DLGAP2: variants seen among roughly 807,000 people sequenced by gnomAD.
DLGAP2 encodes DLG associated protein 2, also known as disks large-associated protein 2.
In DLGAP2, 26 loss-of-function variants were observed where a neutral mutation model predicts 100.3. The ratio of observed to expected loss-of-function variants is 0.26; its 90% CI spans 0.19 to 0.36. DLGAP2 has a LOEUF of 0.36. DLGAP2 is among the 10% of genes least tolerant of loss of function. The pLI, the probability that DLGAP2 is intolerant of heterozygous loss-of-function variation, is 1.00. For synonymous variants in DLGAP2, 886 were observed against 630.1 expected (o/e 1.41, Z -6.08); for missense variants, 1,858 against 1,453.2 (o/e 1.28, Z -4.53).
intron 2 of DLGAP2, among the ~76,000 whole-genome samples, chr8:1,232,974 T>C (rs574163787): frequency 2.2e-4 from 33 of 152,308 alleles, no homozygotes; most frequent in African/African-American, 7.7e-4. Flanking sequence ...CCAGTCTACT[T>C]CCTGTCTCTA....
intron 2 of DLGAP2, among the ~76,000 whole-genome samples, chr8:1,110,888 G>A (rs6558409): frequency 0.94 from 143,540 of 151,972 alleles, 67,924 homozygotes; most frequent in Non-Finnish European, 0.97. Context: ...CCCTGTCTGT[G>A]GGGCCCTTCC....
rs1266562472 is a variant in DLGAP2 at position 759,111 on chromosome 8, G to A, written c.18+21286G>A. ...CTTCCTGTTATCAATACCCCCGACAGCCTTCCCATTATCAATACCCCTGAC... is the reference window on the plus strand; with the variant it reads ...CTTCCTGTTATCAATACCCCCGACAACCTTCCCATTATCAATACCCCTGAC... On this transcript the variant is annotated intron_variant, in intron 1 of 14. Coordinates refer to ENST00000637795, the MANE Select transcript of DLGAP2 (RefSeq NM_001346810.2). Among the ~76,000 whole-genome samples, 78 of 58,540 alleles carry A rather than the reference G, an allele frequency of 1.3e-3. 6 individuals are homozygous for A. Among genetic ancestry groups the A allele is most frequent in the African/African-American group, 3.1e-3 (55 of 17,870 alleles). 38.4% of individuals were successfully genotyped at this position (58,540 alleles called of 152,430 possible).
At chr8:1,419,322 CGTGTGTGTGTGTGTGT>C (rs142626887) in intron 3 of DLGAP2, among the ~76,000 whole-genome samples, 39 of 54,646 alleles carry the variant, frequency 7.1e-4, no homozygotes, top group African/African-American at 2.7e-3. Flanking sequence ...CACTCTGATA[CGTGTGTGTGTGTGTGT>C]GTGTGTGTGT....
At position 1,383,563 on chromosome 8, in the gene DLGAP2, C is replaced by G. The variant is rs183674369; in HGVS notation, c.107-117803C>G. Among the ~76,000 whole-genome samples the G allele has an allele frequency of 3.0e-4, 45 of 152,272 alleles. No homozygotes were observed. In the East Asian group the frequency reaches 5.0e-3, roughly 17 times the overall value. ...CGTTACCGGTCTGAGGAGCTTTAGC[C>G]TTCCTGCCTGTGTTGTATTTTTGGG... is the stretch of plus-strand genomic sequence containing the variant. On this transcript the variant is annotated intron_variant, in intron 3 of 14. Transcript: ENST00000637795.
chr8:1,129,986 T>C (rs905281221), intron 2 of DLGAP2, among the ~76,000 whole-genome samples: 1 of 152,208 alleles, frequency 6.6e-6, no homozygotes, highest in Non-Finnish European at 1.5e-5. Flanking sequence ...GCAGTTCTAA[T>C]TCTAATCATG....
At chr8:1,166,411 G>C (rs1034915253) in intron 2 of DLGAP2, among the ~76,000 whole-genome samples, 1 of 152,182 alleles carries the variant, frequency 6.6e-6, no homozygotes, top group African/African-American at 2.4e-5. Flanking sequence ...TTTGACTTCT[G>C]ATAGCTCAAG....
chr8:916,464 G>A (rs944275594), intron 2 of DLGAP2, among the ~76,000 whole-genome samples: 1 of 152,114 alleles, frequency 6.6e-6, no homozygotes, highest in Non-Finnish European at 1.5e-5. Context: ...CTGATAAGTG[G>A]GAATTGAACA....
rs372703299 is a variant in DLGAP2, at chr8:1,238,740, A to G, written c.74-20111A>G. Among the ~76,000 whole-genome samples, 137 of 45,718 alleles carry G rather than the reference A, an allele frequency of 3.0e-3. No homozygotes were observed. The East Asian group carries it at 0.035, about 12-fold the overall frequency. The allele number at this position is 45,718 out of a possible 152,430, so 30.0% of individuals were successfully genotyped here. A position where few individuals can be genotyped will look rare whatever the true frequency, so the allele number is the denominator to read the frequency against. On this transcript the variant is annotated intron_variant, in intron 2 of 14. Transcript: ENST00000637795. The stretch of plus-strand genomic sequence containing the variant: ...ATGTCTAGTTCTCTCACATGGCGCC[A>G]TGTCTAGTTCTCTCACGTGGCGCCG...
chr8:828,913 T>C (rs995378415), intron 1 of DLGAP2, among the ~76,000 whole-genome samples: 6 of 152,248 alleles, frequency 3.9e-5, no homozygotes, highest in African/African-American at 1.4e-4. Context: ...ATGTAATGGA[T>C]TCATGTTCCA....
chr8:849,001 G>T (rs574307279), intron 1 of DLGAP2, among the ~76,000 whole-genome samples: 1 of 151,850 alleles, frequency 6.6e-6, no homozygotes, highest in Non-Finnish European at 1.5e-5. Flanking sequence ...GCATAGGATC[G>T]TGAGGTGCCT....
chr8:1,442,578 C>A (rs7004173), intron 3 of DLGAP2, among the ~76,000 whole-genome samples: 66 of 139,566 alleles, frequency 4.7e-4, no homozygotes, highest in African/African-American at 1.9e-3. Flanking sequence ...CGCCAGGCTG[C>A]TGTGGGTTCA....
At chr8:1,548,536 T>C in intron 4 of DLGAP2, 90 bp from the exon 5 acceptor site, 1 of 1,169,172 alleles carries the variant, frequency 8.6e-7, no homozygotes, top group South Asian at 1.7e-5. Flanking sequence ...CACTGATTAA[T>C]GAAGTCCACG....
At chr8:1,695,786 G>T (rs1329221145) in intron 13 of DLGAP2, among the ~76,000 whole-genome samples, 1 of 152,256 alleles carries the variant, frequency 6.6e-6, no homozygotes, top group African/African-American at 2.4e-5. Flanking sequence ...CCTGCCCTGA[G>T]GCTGCAGCTC....
intron 2 of DLGAP2, among the ~76,000 whole-genome samples, chr8:1,217,530 G>C (rs12716582): frequency 0.5 from 75,953 of 151,844 alleles, 19,582 homozygotes; most frequent in East Asian, 0.72. Context: ...TGAGAAATCT[G>C]TAAACTGCTT....
chr8:943,687 G>A (rs1486621972), intron 2 of DLGAP2, among the ~76,000 whole-genome samples: 1 of 151,822 alleles, frequency 6.6e-6, no homozygotes, highest in Non-Finnish European at 1.5e-5. Flanking sequence ...ACAAGATCAT[G>A]TGGAGGATCT....
intron 3 of DLGAP2, among the ~76,000 whole-genome samples, chr8:1,283,774 A>C (rs962976832): frequency 6.6e-6 from 1 of 152,250 alleles, no homozygotes; most frequent in Non-Finnish European, 1.5e-5. Context: ...AAAAAGCTTC[A>C]AGTAAAGCAT....
intron 2 of DLGAP2, among the ~76,000 whole-genome samples, chr8:1,068,363 T>A (rs1803320173): frequency 6.6e-6 from 1 of 152,228 alleles, no homozygotes; most frequent in South Asian, 2.1e-4. Context: ...TGCTTAGTTT[T>A]GTAAGAAACC....
chr8:1,021,201 A>T (rs1385375234), intron 2 of DLGAP2, among the ~76,000 whole-genome samples: 1 of 152,200 alleles, frequency 6.6e-6, no homozygotes, highest in Non-Finnish European at 1.5e-5. Context: ...TTAAGAAGAT[A>T]TTGTTACCCT....
At chr8:907,079 C>T (rs947749955) in intron 1 of DLGAP2, among the ~76,000 whole-genome samples, 2 of 152,162 alleles carry the variant, frequency 1.3e-5, no homozygotes, top group Non-Finnish European at 2.9e-5. Flanking sequence ...CGAGGGCAAA[C>T]GTATGACTGG....
Sources: allele counts gnomAD v4.1 joint callset (sites outside exome capture counted in the v4.1 genomes callset), GRCh38; gene constraint gnomAD v4.1.1; transcripts MANE v1.5; gene names NCBI Gene and HGNC (gene_info 2026-07-23, HGNC 2026-07-21).